Variants in MEI4 observed in about 807,000 individuals in gnomAD.
The protein encoded by MEI4 is meiosis-specific protein MEI4.
A neutral mutation model predicts 31.4 loss-of-function variants in MEI4; 27 were observed. That is an observed-to-expected ratio of 0.86 (90% CI 0.63 to 1.19). The LOEUF (loss-of-function observed/expected upper bound fraction) is 1.19, where lower values mean the gene tolerates loss of function less well. MEI4 is among the 50% of genes most tolerant of loss of function. MEI4 has a pLI of 0.00. For missense variants in MEI4, 329 were observed against 398.9 expected (o/e 0.82, Z 1.49); for synonymous variants, 122 against 145.4 (o/e 0.84, Z 1.16).
intron 4 of MEI4, among the ~76,000 whole-genome samples, chr6:77,875,143 G>T (rs1169105471): frequency 1.3e-5 from 2 of 152,052 alleles, no homozygotes; most frequent in African/African-American, 2.4e-5. Context: ...CTTCCTTGAG[G>T]GTCCCATCAT....
rs916746457 is a variant in MEI4 at position 77,823,682 on chromosome 6, G to A, written c.769-5249G>A. 7.9e-5 allele frequency among the ~76,000 whole-genome samples: 12 copies of A among 152,010 alleles called. 1 individual carries two copies. The highest frequency in any genetic ancestry group is 2.9e-4 in the African/African-American group (12 of 41,390). On this transcript the variant is annotated intron_variant, in intron 3 of 4. Transcript: ENST00000684080. Reference sequence around the variant, plus strand: ...AGGTTGGTTGGTTTGTTTTATTCTTGCTTTAAGCAGAGAGTTATTTCTTGG... The same window carrying A: ...AGGTTGGTTGGTTTGTTTTATTCTTACTTTAAGCAGAGAGTTATTTCTTGG...
rs367877441 is a variant in MEI4, at chr6:77,888,213, G to T, written c.901-34876G>T. On this transcript the variant is annotated intron_variant, in intron 4 of 4. Transcript: ENST00000684080. ...TTGGTCATTTTTTAAAATCAATTCA[G>T]CCAGGCTATATCTCCTAAGTGGATA... 1.6e-4 allele frequency among the ~76,000 whole-genome samples: 24 copies of T among 152,144 alleles called. No homozygotes were observed. In the South Asian group the frequency reaches 5.0e-3, roughly 32 times the overall value.
intron 3 of MEI4, among the ~76,000 whole-genome samples, chr6:77,827,025 C>T (rs1242704875): frequency 6.6e-6 from 1 of 152,014 alleles, no homozygotes; most frequent in Non-Finnish European, 1.5e-5. Context: ...TTCCCCAAAC[C>T]ACTGGGCAAC....
At chr6:77,821,751 G>T (rs1011066693) in intron 3 of MEI4, among the ~76,000 whole-genome samples, 1 of 140,674 alleles carries the variant, frequency 7.1e-6, no homozygotes, top group South Asian at 2.2e-4. Flanking sequence ...AGCTGAGATC[G>T]CGCCATTGCA....
At chr6:77,848,474 G>A (rs1770538519) in intron 4 of MEI4, among the ~76,000 whole-genome samples, 1 of 152,150 alleles carries the variant, frequency 6.6e-6, no homozygotes, top group South Asian at 2.1e-4. Flanking sequence ...GGCACATTAT[G>A]TCTTAATAAG....
chr6:77,675,647 C>T (rs1239899397), intron 1 of MEI4, among the ~76,000 whole-genome samples: 5 of 151,656 alleles, frequency 3.3e-5, no homozygotes, highest in African/African-American at 7.3e-5. Flanking sequence ...CCTTAATTGC[C>T]GTATGTATGA....
intron 4 of MEI4, among the ~76,000 whole-genome samples, chr6:77,836,328 A>G (rs902320564): frequency 3.3e-5 from 5 of 152,182 alleles, no homozygotes; most frequent in Non-Finnish European, 7.4e-5. Context: ...AGCACAGGTG[A>G]AATCTGAATT....
chr6:77,826,435 A>G (rs891991367), intron 3 of MEI4, among the ~76,000 whole-genome samples: 6 of 152,162 alleles, frequency 3.9e-5, no homozygotes. Flanking sequence ...ACTAATCATG[A>G]TATCTAAAGG....
At chr6:77,883,052 C>G (rs904956887) in intron 4 of MEI4, among the ~76,000 whole-genome samples, 10 of 151,900 alleles carry the variant, frequency 6.6e-5, no homozygotes, top group African/African-American at 2.2e-4. Context: ...CAGGTTCGTA[C>G]AAGTATCGGT....
At chr6:77,828,834 A>G (rs981831978) in intron 3 of MEI4, 97 bp from the exon 4 acceptor site, 8 of 903,838 alleles carry the variant, frequency 8.9e-6, no homozygotes, top group Admixed American at 8.6e-5. Context: ...GATACTTTTT[A>G]TATTCCTCAC....
chr6:77,811,632 G>A (rs1016527068), intron 3 of MEI4, among the ~76,000 whole-genome samples: 3 of 151,974 alleles, frequency 2.0e-5, no homozygotes, highest in African/African-American at 7.2e-5. Context: ...GAAATTAGCT[G>A]GGTGTGGTGG....
chr6:77,788,775 C>T lies in MEI4; in HGVS notation c.768+27110C>T, dbSNP rs544378950. On this transcript the variant is annotated intron_variant, in intron 3 of 4. Coordinates refer to ENST00000684080, the MANE Select transcript of MEI4 (RefSeq NM_001322247.2). Reference sequence around the variant, plus strand: ...AAGAGGATACAAAGAAATGGAAGAACATTCCATGCTCATGGGTAGGAAGAA... The same window carrying T: ...AAGAGGATACAAAGAAATGGAAGAATATTCCATGCTCATGGGTAGGAAGAA... 1.4e-3 allele frequency among the ~76,000 whole-genome samples: 213 copies of T among 152,284 alleles called. 1 individual carries two copies. The highest frequency in any genetic ancestry group is 4.5e-3 in the African/African-American group (187 of 41,574).
intron 4 of MEI4, among the ~76,000 whole-genome samples, chr6:77,890,792 TTGTTCTTG>T (rs1771747707): frequency 6.6e-6 from 1 of 152,188 alleles, no homozygotes; most frequent in African/African-American, 2.4e-5. Flanking sequence ...TACCCTCATG[TTGTTCTTG>T]TGATAGTGAA....
At chr6:77,733,988 A>G (rs2127669304) in intron 2 of MEI4, among the ~76,000 whole-genome samples, 1 of 152,148 alleles carries the variant, frequency 6.6e-6, no homozygotes, top group African/African-American at 2.4e-5. Context: ...CTGTGGTCTG[A>G]GAGATAGTTT....
intron 3 of MEI4, among the ~76,000 whole-genome samples, chr6:77,807,583 A>G (rs938284075): frequency 6.6e-6 from 1 of 152,188 alleles, no homozygotes; most frequent in Non-Finnish European, 1.5e-5. Context: ...AGGGTGATCA[A>G]TACTGCTAAC....
At chr6:77,833,903 G>C (rs1770144301) in intron 4 of MEI4, among the ~76,000 whole-genome samples, 1 of 152,100 alleles carries the variant, frequency 6.6e-6, no homozygotes, top group Non-Finnish European at 1.5e-5. Flanking sequence ...TTCTGTTCCT[G>C]TGTTGGTTTG....
chr6:77,798,760 G>A lies in MEI4; in HGVS notation c.769-30171G>A, dbSNP rs183625476. Among the ~76,000 whole-genome samples, 566 of 150,614 alleles carry A rather than the reference G, an allele frequency of 3.8e-3. 2 individuals carry two copies. Among genetic ancestry groups the A allele is most frequent in the African/African-American group, 0.013 (545 of 40,936 alleles). ...ATGCGGTGTTTGGTTTTTTGTTCTCGCGATAGTTTACTGAGAATGATGACT... is the reference window on the plus strand; with the variant it reads ...ATGCGGTGTTTGGTTTTTTGTTCTCACGATAGTTTACTGAGAATGATGACT... On this transcript the variant is annotated intron_variant, in intron 3 of 4. Transcript: ENST00000684080.
chr6:77,698,072 G>C (rs1350506260), intron 2 of MEI4, among the ~76,000 whole-genome samples: 1 of 152,132 alleles, frequency 6.6e-6, no homozygotes, highest in Non-Finnish European at 1.5e-5. Flanking sequence ...TGTTTTATCA[G>C]AGACTAGGAT....
At chr6:77,744,993 C>T (rs369183650) in intron 2 of MEI4, among the ~76,000 whole-genome samples, 81 of 152,256 alleles carry the variant, frequency 5.3e-4, no homozygotes, top group East Asian at 1.5e-3. Flanking sequence ...AAGGAACAAC[C>T]GGTACCAGCC....
Sources: gnomAD v4.1 joint callset for allele counts (sites outside exome capture counted in the v4.1 genomes callset) on GRCh38, gnomAD v4.1.1 for gene constraint, MANE v1.5 for transcripts, NCBI Gene and HGNC (gene_info 2026-07-23, HGNC 2026-07-21) for gene names.